The following CCDC7 variants were observed in gnomAD, a reference collection of about 807,000 sequenced individuals.
The protein encoded by CCDC7 is coiled-coil domain containing 7.
CCDC7 carries 183 observed loss-of-function variants against 196.9 expected under a neutral mutation model. The observed-to-expected ratio is 0.93, with a 90% CI of 0.82 to 1.05. The LOEUF (loss-of-function observed/expected upper bound fraction) is 1.05, where lower values mean the gene tolerates loss of function less well. CCDC7 is among the 50% of genes least tolerant of loss of function. The probability of loss-of-function intolerance (pLI) is 0.00; values close to 1 mark genes in which losing one functional copy is unlikely to be tolerated. For missense variants in CCDC7, 1,540 were observed against 1,482.2 expected (o/e 1.04, Z -0.64); for synonymous variants, 525 against 484.6 (o/e 1.08, Z -1.10).
intron 20 of CCDC7, among the ~76,000 whole-genome samples, chr10:32,635,484 T>C (rs1335018899): frequency 1.3e-5 from 2 of 152,208 alleles, no homozygotes; most frequent in East Asian, 3.8e-4. Context: ...TTATCATTTT[T>C]ATAGCTTTTG....
chr10:32,849,225 A>C (rs2093437702), intron 39 of CCDC7, among the ~76,000 whole-genome samples: 1 of 151,926 alleles, frequency 6.6e-6, no homozygotes, highest in African/African-American at 2.4e-5. Flanking sequence ...ATCTACCCTA[A>C]AACTTAAAAA....
intron 8 of CCDC7, among the ~76,000 whole-genome samples, chr10:32,484,671 A>G (rs1163949135): frequency 6.6e-6 from 1 of 152,202 alleles, no homozygotes; most frequent in Non-Finnish European, 1.5e-5. Flanking sequence ...GATATGTCCC[A>G]TCAATTACCT....
chr10:32,803,359 T>C (rs2085180694), intron 29 of CCDC7, among the ~76,000 whole-genome samples: 1 of 152,222 alleles, frequency 6.6e-6, no homozygotes, highest in Non-Finnish European at 1.5e-5. Flanking sequence ...CCAACTATTA[T>C]TGTCTTGGGG....
intron 13 of CCDC7, among the ~76,000 whole-genome samples, chr10:32,560,533 A>C (rs571025795): frequency 7.1e-6 from 1 of 141,432 alleles, no homozygotes; most frequent in South Asian, 2.3e-4. Context: ...TTCTTAAAGA[A>C]AAGAATTTTC....
At chr10:32,588,017 G>A (rs1169419965) in intron 18 of CCDC7, among the ~76,000 whole-genome samples, 1 of 152,092 alleles carries the variant, frequency 6.6e-6, no homozygotes, top group East Asian at 1.9e-4. Flanking sequence ...ATAGATTAAT[G>A]GGTTATCAAG....
At chr10:32,709,132 T>C (rs1160350289) in intron 24 of CCDC7, among the ~76,000 whole-genome samples, 2 of 152,142 alleles carry the variant, frequency 1.3e-5, no homozygotes, top group Non-Finnish European at 2.9e-5. Flanking sequence ...CATGGAGTAC[T>C]ATGCAGCCAT....
rs530218110 is a variant in CCDC7, at chr10:32,566,993, TA to T, written c.1198-670del. 7.4e-3 allele frequency among the ~76,000 whole-genome samples: 750 copies of T among 101,322 alleles called. 6 individuals are homozygous for T. The highest frequency in any genetic ancestry group is 0.047 in the East Asian group (142 of 3,038). The allele number at this position is 101,322 out of a possible 152,430, so 66.5% of individuals were successfully genotyped here. A position where few individuals can be genotyped will look rare whatever the true frequency, so the allele number is the denominator to read the frequency against. On this transcript the variant is annotated intron_variant, in intron 14 of 41. Transcript: ENST00000639629. ...TATAAATATATAACATATTTATATA[TA>T]AAAAAATATCTTTGTGTAATTTCCC...
chr10:32,706,944 G>A (rs1427125554), intron 24 of CCDC7, among the ~76,000 whole-genome samples: 3 of 152,208 alleles, frequency 2.0e-5, no homozygotes, highest in Admixed American at 2.0e-4. Context: ...AGTAGAAAAA[G>A]AGGGAATCCT....
chr10:32,804,984 A>G (rs754965461), intron 29 of CCDC7, 31 bp from the exon 31 acceptor site: 2 of 1,421,728 alleles, frequency 1.4e-6, no homozygotes, highest in South Asian at 1.2e-5. Context: ...ATTACCTCGC[A>G]AAGTATTTTT....
chr10:32,754,400 T>C (rs2076098787), intron 28 of CCDC7, among the ~76,000 whole-genome samples: 1 of 152,150 alleles, frequency 6.6e-6, no homozygotes, highest in South Asian at 2.1e-4. Context: ...GTTGACTACA[T>C]AGGGAGATAT....
chr10:32,740,185 A>G (rs1176697248), intron 28 of CCDC7, among the ~76,000 whole-genome samples: 1 of 152,000 alleles, frequency 6.6e-6, no homozygotes, highest in Non-Finnish European at 1.5e-5. Flanking sequence ...GGAGTTGGAT[A>G]TTTCCTTTCC....
At chr10:32,751,389 C>T (rs1225529610) in intron 28 of CCDC7, among the ~76,000 whole-genome samples, 2 of 151,902 alleles carry the variant, frequency 1.3e-5, no homozygotes, top group Non-Finnish European at 2.9e-5. Flanking sequence ...CATGGGATCC[C>T]AAATGCCAAG....
intron 20 of CCDC7, among the ~76,000 whole-genome samples, chr10:32,635,419 A>G (rs1218347976): frequency 6.6e-6 from 1 of 152,178 alleles, no homozygotes; most frequent in Non-Finnish European, 1.5e-5. Context: ...ATATAAATTT[A>G]AAATTAACAA....
chr10:32,847,680 A>C (rs2093362383), intron 37 of CCDC7, among the ~76,000 whole-genome samples, 153 bp from the exon 39 acceptor site: 2 of 151,658 alleles, frequency 1.3e-5, no homozygotes, highest in South Asian at 4.2e-4. Context: ...ACACCTCTGC[A>C]CTCCAGCCTG....
At chr10:32,791,185 A>T (rs1592784315) in intron 29 of CCDC7, among the ~76,000 whole-genome samples, 1 of 150,892 alleles carries the variant, frequency 6.6e-6, no homozygotes, top group Admixed American at 6.6e-5. Flanking sequence ...CTTACCTGGA[A>T]CCGCAGCCAC....
rs201661135 is a variant in CCDC7, at chr10:32,470,348, C to T, written c.511-716C>T. ...CTCTTGTGCCATTTTCCTATCAAAA[C>T]TTGCTGACCCCAATTGCTATTCTGC... is the stretch of plus-strand genomic sequence containing the variant. On this transcript the variant is annotated intron_variant, in intron 5 of 41. Coordinates refer to ENST00000639629, the Ensembl canonical transcript of CCDC7. Among the ~76,000 whole-genome samples, 32 of 152,276 alleles carry T rather than the reference C, an allele frequency of 2.1e-4. 1 individual carries two copies. The East Asian group carries it at 6.2e-3, about 29-fold the overall frequency.
At chr10:32,634,898 A>T (rs565590096) in intron 19 of CCDC7, among the ~76,000 whole-genome samples, 159 bp from the exon 21 acceptor site, 17 of 152,316 alleles carry the variant, frequency 1.1e-4, no homozygotes, top group African/African-American at 3.8e-4. Context: ...GCCTCCACAC[A>T]TGAGAATTTT....
At chr10:32,836,827 G>T (rs537934737) in intron 33 of CCDC7, among the ~76,000 whole-genome samples, 1 of 152,026 alleles carries the variant, frequency 6.6e-6, no homozygotes, top group Non-Finnish European at 1.5e-5. Flanking sequence ...TTATAAATAG[G>T]TTCAGATATT....
At chr10:32,704,205 T>C (rs1295934819) in intron 24 of CCDC7, among the ~76,000 whole-genome samples, 1 of 152,032 alleles carries the variant, frequency 6.6e-6, no homozygotes, top group Non-Finnish European at 1.5e-5. Context: ...ATGTCCTTTC[T>C]GTTTGTTAGT....
Sources: gnomAD v4.1 joint callset for allele counts (sites outside exome capture counted in the v4.1 genomes callset) on GRCh38, gnomAD v4.1.1 for gene constraint, MANE v1.5 for transcripts, NCBI Gene and HGNC (gene_info 2026-07-23, HGNC 2026-07-21) for gene names.